MYO1F: variants seen among roughly 807,000 people sequenced by gnomAD.
The protein encoded by MYO1F is unconventional myosin-If.
MYO1F carries 60 observed loss-of-function variants against 146.6 expected under a neutral mutation model. The ratio of observed to expected loss-of-function variants is 0.41; its 90% CI spans 0.33 to 0.51. MYO1F has a LOEUF of 0.51. Among genes scored for constraint, MYO1F ranks in the 20% least tolerant of loss-of-function variants. MYO1F has a pLI of 0.25. For synonymous variants in MYO1F, 602 were observed against 602.1 expected (o/e 1.00, Z 0.00); for missense variants, 1,274 against 1,534.3 (o/e 0.83, Z 2.83).
At chr19:8,562,250 C>T (rs563938853) in intron 1 of MYO1F, among the ~76,000 whole-genome samples, 85 of 152,048 alleles carry the variant, frequency 5.6e-4, no homozygotes, top group Middle Eastern at 3.4e-3. Context: ...ACCCGCCCGC[C>T]TTGGCCTCAC....
At chr19:8,563,629 C>T (rs1213432995) in intron 1 of MYO1F, among the ~76,000 whole-genome samples, 1 of 151,950 alleles carries the variant, frequency 6.6e-6, no homozygotes, top group African/African-American at 2.4e-5. Flanking sequence ...CTGCCTCAGC[C>T]TCCCTAGTAG....
At chr19:8,545,857 C>T in intron 12 of MYO1F, 121 bp from the exon 13 acceptor site, 2 of 780,040 alleles carry the variant, frequency 2.6e-6, no homozygotes, top group Non-Finnish European at 4.6e-6. Flanking sequence ...CAAAGCCCGT[C>T]ACTCCTATGT....
At chr19:8,555,374 C>T (rs1973800913) in intron 2 of MYO1F, 1 of 264,236 alleles carries the variant, frequency 3.8e-6, no homozygotes, top group Non-Finnish European at 6.5e-6. Context: ...AAGACTCCGT[C>T]TCAAAAAAAA....
chr19:8,521,647 G>A (rs748113084), intron 27 of MYO1F, 43 bp from the exon 28 acceptor site: 19 of 1,585,270 alleles, frequency 1.2e-5, no homozygotes, highest in Non-Finnish European at 1.6e-5. Flanking sequence ...AGCTGGCCCT[G>A]GAGAAAGCTC....
intron 13 of MYO1F, among the ~76,000 whole-genome samples, chr19:8,544,750 C>T (rs985737119): frequency 2.0e-5 from 3 of 152,010 alleles, no homozygotes; most frequent in Non-Finnish European, 2.9e-5. Flanking sequence ...AGACTAGAAT[C>T]CCTTGGTAGG....
chr19:8,554,657 G>T lies in MYO1F; in HGVS notation c.228C>A (p.Gly76=). 1 of 1,613,890 alleles carries T rather than the reference G, an allele frequency of 6.2e-7. No individual in the cohort carries two copies. The highest frequency in any genetic ancestry group is 1.1e-5 in the South Asian group (1 of 91,078). The change falls in exon 3 of 28, where the codon GGC becomes GGA. Residue 76 remains glycine (G), a synonymous_variant. Coordinates refer to ENST00000644032, the MANE Select transcript of MYO1F (RefSeq NM_012335.4). The part of the protein sequence containing the change: ...FTDREIDLYQ[G]AAQYENPPHI... ...TCCCACCCAGCCCCAGCCTCACCGCGCCCTGATAGAGGTCGATCTCACGGT... is the reference window on the plus strand; with the variant it reads ...TCCCACCCAGCCCCAGCCTCACCGCTCCCTGATAGAGGTCGATCTCACGGT...
rs1345587204 is a variant in MYO1F, at chr19:8,577,203, G to A, written c.3+104C>T. 3 of 1,369,966 alleles carry A rather than the reference G, an allele frequency of 2.2e-6. No individual in the cohort carries two copies. The highest frequency in any genetic ancestry group is 2.4e-5 in the East Asian group (1 of 40,978). The allele number at this position is 1,369,966 out of a possible 1,614,324, so 84.9% of individuals were successfully genotyped here. The stretch of plus-strand genomic sequence containing the variant: ...CCCCACCCCCACAGAAGTCCACCAT[G>A]CCCCTCCCCTCACCCCAATTTCTGA... On this transcript the variant is annotated intron_variant, in intron 1 of 27. Coordinates refer to ENST00000644032, the MANE Select transcript of MYO1F (RefSeq NM_012335.4). The surrounding 1 kb of genome is among the most constrained non-coding windows in gnomAD (Gnocchi z 4.3).
At position 8,530,218 on chromosome 19, in the gene MYO1F, G is replaced by T; in HGVS notation, c.2306C>A (p.Thr769Asn). 1 of 1,614,074 alleles carries T rather than the reference G, an allele frequency of 6.2e-7. No individual in the cohort carries two copies. Among genetic ancestry groups the T allele is most frequent in the Non-Finnish European group, 8.5e-7 (1 of 1,180,006 alleles). The change falls in exon 21 of 28, where the codon ACC (threonine) becomes AAC (asparagine). Residue 769 changes from threonine (T) to asparagine (N), a missense_variant. Transcript: ENST00000644032. The surrounding 1 kb of genome is among the most constrained non-coding windows in gnomAD (Gnocchi z 5.8). ...RERVDFADSV[T>N]KYDRRFKPIK... Reference sequence around the variant, plus strand: ...CACCTTGAAGCGGCGGTCGTACTTGGTGACCGAATCGGCGAAGTCCACCCG... The same window carrying T: ...CACCTTGAAGCGGCGGTCGTACTTGTTGACCGAATCGGCGAAGTCCACCCG...
In MYO1F at chr19:8,567,355, G is replaced by A. The variant is rs144322212; in HGVS notation, c.3+9952C>T. On this transcript the variant is annotated intron_variant, in intron 1 of 27. Coordinates refer to ENST00000644032, the MANE Select transcript of MYO1F (RefSeq NM_012335.4). Reference sequence around the variant, plus strand: ...GCTGAAATTACAGGCATGAGCCACCGTGCCCGGCCCACTGGGTCTATTTTT... The same window carrying A: ...GCTGAAATTACAGGCATGAGCCACCATGCCCGGCCCACTGGGTCTATTTTT... Among the ~76,000 whole-genome samples, 400 of 151,738 alleles carry A rather than the reference G, an allele frequency of 2.6e-3. 1 individual carries two copies. Among genetic ancestry groups the A allele is most frequent in the Non-Finnish European group, 4.2e-3 (288 of 67,954 alleles).
chr19:8,545,531 G>A, intron 13 of MYO1F, 119 bp downstream of exon 13: 1 of 843,364 alleles, frequency 1.2e-6, no homozygotes, highest in African/African-American at 1.7e-5. Context: ...TGGAAGTCCT[G>A]AGTGTAGGGT....
intron 21 of MYO1F, chr19:8,529,813 G>C (rs1035612535): frequency 2.7e-5 from 11 of 402,038 alleles, no homozygotes; most frequent in Admixed American, 3.7e-5. Context: ...ATACCTGTGG[G>C]CAGGTGTGTC....
rs71175875 is a variant in MYO1F at position 8,560,742 on chromosome 19, A to ATTTT, written c.4-4950_4-4947dup. On this transcript the variant is annotated intron_variant, in intron 1 of 27. Coordinates refer to ENST00000644032, the MANE Select transcript of MYO1F (RefSeq NM_012335.4). ...AGGCACATGCCACCACGCCTGGCTA[A>ATTTT]TTTTTTTTTTTTTTGAGACAGAGTC... Among the ~76,000 whole-genome samples, 301 of 133,904 alleles carry ATTTT rather than the reference A, an allele frequency of 2.2e-3. 16 individuals are homozygous for ATTTT. In the South Asian group the frequency reaches 0.035, roughly 16 times the overall value. The allele number at this position is 133,904 out of a possible 152,430, so 87.8% of individuals were successfully genotyped here.
At chr19:8,574,233 C>T (rs1489389907) in intron 1 of MYO1F, among the ~76,000 whole-genome samples, 2 of 152,168 alleles carry the variant, frequency 1.3e-5, no homozygotes, top group Non-Finnish European at 2.9e-5. Flanking sequence ...GAAACAGCCA[C>T]AACCACCACC....
intron 1 of MYO1F, among the ~76,000 whole-genome samples, chr19:8,560,462 G>A (rs941639943): frequency 2.0e-5 from 3 of 149,922 alleles, no homozygotes; most frequent in Admixed American, 1.4e-4. Flanking sequence ...TCCAACCTGG[G>A]CAAACATAGC....
Position 8,522,618 on chromosome 19 carries a change from C to T in MYO1F, c.3050+16G>A. The stretch of plus-strand genomic sequence containing the variant: ...CCCCTGCCCACCTCCTGGAGCTGCC[C>T]TCCCACCCCACCTACCCGGCCATGC... On this transcript the variant is annotated intron_variant, in intron 26 of 27. Transcript: ENST00000644032. 1 of 1,611,972 alleles carries T rather than the reference C, an allele frequency of 6.2e-7. No homozygotes were observed.
In MYO1F at chr19:8,566,761, G is replaced by A. The variant is rs547870888; in HGVS notation, c.3+10546C>T. Among the ~76,000 whole-genome samples, 24 of 151,416 alleles carry A rather than the reference G, an allele frequency of 1.6e-4. No homozygotes were observed. In the South Asian group the frequency reaches 4.2e-3, roughly 26 times the overall value. On this transcript the variant is annotated intron_variant, in intron 1 of 27. Transcript: ENST00000644032. ...ACTCCTGACCTCAAGTGATCCACCC[G>A]CCTCAGCCTCCCAAAGTGCTGGGAT...
At chr19:8,546,500 T>C (rs112887894) in intron 12 of MYO1F, among the ~76,000 whole-genome samples, 5,029 of 151,832 alleles carry the variant, frequency 0.033, 159 homozygotes, top group African/African-American at 0.077. Flanking sequence ...GCTGGGACCG[T>C]AGGAGCACAC....
Position 8,550,561 on chromosome 19 carries a change from CG to C in MYO1F, c.904del (p.Leu302SerfsTer20). 2 of 1,614,132 alleles carry C rather than the reference CG, an allele frequency of 1.2e-6. No homozygotes were observed. Among genetic ancestry groups the C allele is most frequent in the Non-Finnish European group, 1.7e-6 (2 of 1,180,016 alleles). On this transcript the variant is annotated frameshift_variant and splice_region_variant, in exon 9 of 28. Coordinates refer to ENST00000644032, the MANE Select transcript of MYO1F (RefSeq NM_012335.4). LOFTEE classifies it high-confidence loss of function. ...CAGCCCTCCCTGATACCCACACTCA[CG>C]GTCCACACTCTCCACTCGGGCGTAA... ...GNYARVESVD[L>X]LAFPAYLLGI...
chr19:8,536,412 TG>T lies in MYO1F; in HGVS notation c.1899-17del. On this transcript the variant is annotated splice_polypyrimidine_tract_variant and intron_variant, in intron 18 of 27. Transcript: ENST00000644032. ...AATGGCATACCTGAGGGCGGAGGGC[TG>T]GGGTGTGGGAGTGCTCATAGCAGAC... 6.2e-7 allele frequency: 1 copy of T among 1,606,170 alleles called. No homozygotes were observed. The highest frequency in any genetic ancestry group is 1.1e-5 in the South Asian group (1 of 90,960).
Sources: gnomAD v4.1 joint callset for allele counts (sites outside exome capture counted in the v4.1 genomes callset) on GRCh38, gnomAD v4.1.1 for gene constraint, Gnocchi (gnomAD v3.1) non-coding constraint, MANE v1.5 for transcripts, NCBI Gene and HGNC (gene_info 2026-07-23, HGNC 2026-07-21) for gene names.